The following BRWD3 variants were observed in gnomAD, a reference collection of about 807,000 sequenced individuals.
BRWD3 encodes bromodomain and WD repeat domain containing 3.
A neutral mutation model predicts 149.7 loss-of-function variants in BRWD3; 10 were observed. The observed-to-expected ratio is 0.07, with a 90% CI of 0.04 to 0.11. The LOEUF is 0.11. Among genes scored for constraint, BRWD3 ranks in the 10% least tolerant of loss-of-function variants. The pLI, the probability that BRWD3 is intolerant of heterozygous loss-of-function variation, is 1.00. For missense variants in BRWD3, 940 were observed against 1,373.2 expected (o/e 0.68, Z 4.99); for synonymous variants, 504 against 456.7 (o/e 1.10, Z -1.32).
At chrX:80,763,261 G>T (rs1393977922) in intron 6 of BRWD3, among the ~76,000 whole-genome samples, 1 of 111,471 alleles carries the variant, frequency 9.0e-6, no homozygotes, top group African/African-American at 3.3e-5. Flanking sequence ...TGGTAGTCAA[G>T]ATTCAAACCC....
At chrX:80,698,963 A>G (rs1005644715) in intron 25 of BRWD3, among the ~76,000 whole-genome samples, 5 of 111,146 alleles carry the variant, frequency 4.5e-5, no homozygotes, top group African/African-American at 1.6e-4. Context: ...CCTGTATCCC[A>G]GCACTTTGGG....
chrX:80,679,084 T>C (rs977628636), intron 40 of BRWD3, among the ~76,000 whole-genome samples: 15 of 112,146 alleles, frequency 1.3e-4, no homozygotes, highest in Non-Finnish European at 2.1e-4. Flanking sequence ...TACCCACCCA[T>C]ATGGCACTTT....
intron 4 of BRWD3, among the ~76,000 whole-genome samples, chrX:80,798,621 C>T (rs1051964014): frequency 1.0e-5 from 1 of 98,930 alleles, no homozygotes; most frequent in South Asian, 6.2e-4. Context: ...GTGTATAATA[C>T]GGGGAAAAAA....
intron 22 of BRWD3, among the ~76,000 whole-genome samples, chrX:80,707,019 C>T (rs917722925): frequency 1.8e-5 from 2 of 112,842 alleles, no homozygotes; most frequent in Non-Finnish European, 3.7e-5. Flanking sequence ...AGTTAATTTA[C>T]ACCAGCATCC....
intron 6 of BRWD3, among the ~76,000 whole-genome samples, chrX:80,762,572 G>T (rs1225051752): frequency 9.1e-6 from 1 of 109,777 alleles, no homozygotes; most frequent in African/African-American, 3.3e-5. Context: ...TGTTGGGGGG[G>T]TGGGGAAAGG....
intron 6 of BRWD3, among the ~76,000 whole-genome samples, chrX:80,786,952 AT>A (rs1295522359): frequency 8.9e-6 from 1 of 111,732 alleles, no homozygotes; most frequent in Non-Finnish European, 1.9e-5. Context: ...GGTTATCTAT[AT>A]AAAGAATCCC....
In BRWD3 at chrX:80,779,360, G is replaced by A. The variant is rs762898304; in HGVS notation, c.430+12494C>T. ...TAGAATGTATGCAATCCTCTGATTGGTTAAAGTGTAGTAAGCATATTAGTT... is the reference window on the plus strand; with the variant it reads ...TAGAATGTATGCAATCCTCTGATTGATTAAAGTGTAGTAAGCATATTAGTT... On this transcript the variant is annotated intron_variant, in intron 6 of 40. Coordinates refer to ENST00000373275, the MANE Select transcript of BRWD3 (RefSeq NM_153252.5). Among the ~76,000 whole-genome samples the A allele has an allele frequency of 3.6e-5, 4 of 110,673 alleles. No homozygotes were observed. In the East Asian group the frequency reaches 1.1e-3, roughly 32 times the overall value.
intron 17 of BRWD3, 77 bp downstream of exon 17, chrX:80,722,485 C>T (rs1020344140): frequency 3.3e-5 from 30 of 907,114 alleles, no homozygotes; most frequent in Non-Finnish European, 4.6e-5. Flanking sequence ...TAGCAGGAGG[C>T]ATACATCATA....
intron 20 of BRWD3, among the ~76,000 whole-genome samples, chrX:80,712,904 T>A (rs1472238009): frequency 1.1e-5 from 1 of 90,868 alleles, no homozygotes; most frequent in African/African-American, 3.8e-5. Flanking sequence ...GAGGAGCCCC[T>A]CCGCCCGGCA....
intron 21 of BRWD3, 27 bp from the exon 22 acceptor site, chrX:80,707,530 T>C (rs1298122825): frequency 1.7e-6 from 2 of 1,165,088 alleles, no homozygotes; most frequent in South Asian, 3.6e-5. Flanking sequence ...GCAATTAAGA[T>C]ATATGGATAT....
intron 39 of BRWD3, 34 bp downstream of exon 39, chrX:80,681,963 G>C (rs1226530559): frequency 2.3e-5 from 25 of 1,081,229 alleles, no homozygotes; most frequent in Non-Finnish European, 3.1e-5. Context: ...ATTAAACCGA[G>C]ATGCAGAACA....
At chrX:80,780,884 A>C (rs2147840453) in intron 6 of BRWD3, among the ~76,000 whole-genome samples, 1 of 112,433 alleles carries the variant, frequency 8.9e-6, no homozygotes, top group Non-Finnish European at 1.9e-5. Context: ...AGTTTAAATT[A>C]GACTACTTTC....
At chrX:80,751,287 T>C (rs1194423061) in intron 6 of BRWD3, among the ~76,000 whole-genome samples, 1 of 112,157 alleles carries the variant, frequency 8.9e-6, no homozygotes, top group Non-Finnish European at 1.9e-5. Flanking sequence ...GGTGAGGTGA[T>C]GGATATGCTA....
intron 6 of BRWD3, among the ~76,000 whole-genome samples, chrX:80,766,589 TG>T (rs1240315383): frequency 1.8e-5 from 2 of 111,863 alleles, no homozygotes; most frequent in African/African-American, 6.5e-5. Flanking sequence ...GCATGGCTAG[TG>T]GGAACATCAA....
intron 6 of BRWD3, among the ~76,000 whole-genome samples, chrX:80,761,803 A>G (rs1047311646): frequency 2.5e-4 from 28 of 111,663 alleles, no homozygotes; most frequent in African/African-American, 8.8e-4. Flanking sequence ...TTTTTATGAA[A>G]TCTATACTCC....
chrX:80,800,282 A>T (rs1205888676), intron 4 of BRWD3, among the ~76,000 whole-genome samples: 1 of 103,515 alleles, frequency 9.7e-6, no homozygotes, highest in Non-Finnish European at 2.0e-5. Flanking sequence ...GAAAAACCCC[A>T]GGGTACAGTG....
At chrX:80,710,350 C>T in intron 20 of BRWD3, 1 of 334,540 alleles carries the variant, frequency 3.0e-6, no homozygotes, top group Admixed American at 3.9e-5. Context: ...TCACATTTTC[C>T]AAACCTGGTC....
At position 80,723,847 on chromosome X, in the gene BRWD3, A is replaced by G. The variant is rs777858945; in HGVS notation, c.1551T>C (p.Phe517=). The change falls in exon 16 of 41, where the codon TTT becomes TTC. Residue 517 remains phenylalanine (F), a synonymous_variant. Transcript: ENST00000373275. ...MIEGQGHGAV[F]DCKFSPDGNH... is the part of the protein sequence containing the mutation. The stretch of plus-strand genomic sequence containing the variant: ...TTCCATCTGGTGAAAATTTACAATC[A>G]AACACCGCACCATGGCCTTGGCCTT... The G allele has an allele frequency of 8.3e-7, 1 of 1,211,236 alleles. No individual in the cohort carries two copies. Among genetic ancestry groups the G allele is most frequent in the Admixed American group, 2.2e-5 (1 of 46,062 alleles).
chrX:80,732,833 A>G (rs1460547413), intron 12 of BRWD3, among the ~76,000 whole-genome samples: 3 of 112,022 alleles, frequency 2.7e-5, no homozygotes, highest in African/African-American at 9.7e-5. Flanking sequence ...AGGAAACACT[A>G]AAGATTTCTA....
Sources: gnomAD v4.1 joint callset for allele counts (sites outside exome capture counted in the v4.1 genomes callset) on GRCh38, gnomAD v4.1.1 for gene constraint, MANE v1.5 for transcripts, NCBI Gene and HGNC (gene_info 2026-07-23, HGNC 2026-07-21) for gene names.